Variants in SDK2 observed in about 807,000 individuals in gnomAD.
SDK2 encodes the protein protein sidekick-2.
In SDK2, 105 loss-of-function variants were observed where a neutral mutation model predicts 253.9. The observed-to-expected ratio is 0.41, with a 90% confidence interval of 0.35 to 0.49. SDK2 has a LOEUF of 0.49. Ranked by LOEUF, SDK2 falls within the 20% of genes least tolerant of loss-of-function variation. SDK2 has a pLI of 0.06. For synonymous variants in SDK2, 1,249 were observed against 1,234.9 expected (o/e 1.01, Z -0.24); for missense variants, 2,608 against 3,003.0 (o/e 0.87, Z 3.07).
At chr17:73,423,883 G>A (rs761226672) in intron 13 of SDK2, 33 bp downstream of exon 13, 6 of 1,509,720 alleles carry the variant, frequency 4.0e-6, no homozygotes, top group South Asian at 1.2e-5. Flanking sequence ...TGCCTGGACC[G>A]CCTCTGCCGG....
intron 10 of SDK2, among the ~76,000 whole-genome samples, chr17:73,432,428 C>G (rs2063332929): frequency 6.6e-6 from 1 of 152,174 alleles, no homozygotes; most frequent in African/African-American, 2.4e-5. Flanking sequence ...CGTGCAGGCA[C>G]AGTGAACTGA....
chr17:73,522,233 C>A (rs1163750732), intron 1 of SDK2, among the ~76,000 whole-genome samples: 3 of 152,226 alleles, frequency 2.0e-5, no homozygotes, highest in African/African-American at 7.2e-5. Flanking sequence ...CCAGGGTGGG[C>A]GGATGGGCTG....
At chr17:73,385,805 C>G in intron 32 of SDK2, 42 bp downstream of exon 32, 1 of 1,540,050 alleles carries the variant, frequency 6.5e-7, no homozygotes, top group Non-Finnish European at 8.8e-7. Context: ...GAGCAGAGCT[C>G]GTCTGGGTCT....
intron 1 of SDK2, among the ~76,000 whole-genome samples, chr17:73,572,381 A>T (rs1367447126): frequency 6.6e-6 from 1 of 151,802 alleles, no homozygotes; most frequent in Admixed American, 6.6e-5. Context: ...TGCACCACGC[A>T]CTGTTTTCTG....
At chr17:73,623,934 T>C (rs1156962471) in intron 1 of SDK2, among the ~76,000 whole-genome samples, 1 of 152,212 alleles carries the variant, frequency 6.6e-6, no homozygotes, top group Non-Finnish European at 1.5e-5. Context: ...CTCCTTCCTG[T>C]ATCAAAGACA....
intron 1 of SDK2, among the ~76,000 whole-genome samples, chr17:73,569,866 C>A (rs1234876300): frequency 6.6e-6 from 1 of 152,008 alleles, no homozygotes; most frequent in Non-Finnish European, 1.5e-5. Flanking sequence ...CTTGTCTTTT[C>A]CTGATCTCTA....
intron 1 of SDK2, among the ~76,000 whole-genome samples, chr17:73,601,616 C>T (rs1377198815): frequency 5.3e-5 from 8 of 152,140 alleles, no homozygotes; most frequent in African/African-American, 1.9e-4. Context: ...TCGGCTAAGG[C>T]ATGTGGAGAA....
chr17:73,401,476 G>C (rs931416410), intron 20 of SDK2, among the ~76,000 whole-genome samples, 178 bp downstream of exon 20: 3 of 152,308 alleles, frequency 2.0e-5, no homozygotes, highest in Middle Eastern at 3.4e-3. Context: ...TGGGGCTGCA[G>C]ACTCTGGGAT....
chr17:73,462,006 G>C (rs2063565814), intron 3 of SDK2, among the ~76,000 whole-genome samples: 1 of 151,988 alleles, frequency 6.6e-6, no homozygotes, highest in African/African-American at 2.4e-5. Context: ...TGGGATAATG[G>C]TTGCATGTAT....
intron 1 of SDK2, among the ~76,000 whole-genome samples, chr17:73,596,984 G>A (rs1025761012): frequency 7.9e-5 from 12 of 152,282 alleles, no homozygotes; most frequent in African/African-American, 2.6e-4. Flanking sequence ...TCGGGAGTCC[G>A]GCGCCCTAGG....
chr17:73,417,361 A>G (rs1159743046), intron 16 of SDK2, among the ~76,000 whole-genome samples: 4 of 151,444 alleles, frequency 2.6e-5, no homozygotes, highest in Middle Eastern at 3.4e-3. Flanking sequence ...AGCTGAGAGT[A>G]CGCCACTGCA....
rs1008115027 is a variant in SDK2 at position 73,496,696 on chromosome 17, C to T, written c.224+10742G>A. On this transcript the variant is annotated intron_variant, in intron 2 of 44. Coordinates refer to ENST00000392650, the MANE Select transcript of SDK2 (RefSeq NM_001144952.2). The surrounding 1 kb of genome is among the most constrained non-coding windows in gnomAD (Gnocchi z 4.7). ...GCCATCTTGGGTCAGCCATGTCTCC[C>T]ACTTCCTAGGGCAACTGGCTCAACC... is the stretch of plus-strand genomic sequence containing the variant. Among the ~76,000 whole-genome samples, 2 of 152,080 alleles carry T rather than the reference C, an allele frequency of 1.3e-5. No individual in the cohort carries two copies. Among genetic ancestry groups the T allele is most frequent in the Non-Finnish European group, 2.9e-5 (2 of 68,004 alleles).
At chr17:73,401,403 T>C (rs1423988727) in intron 20 of SDK2, among the ~76,000 whole-genome samples, 192 bp from the exon 21 acceptor site, 1 of 151,990 alleles carries the variant, frequency 6.6e-6, no homozygotes, top group Non-Finnish European at 1.5e-5. Context: ...GCCAGCACTT[T>C]AGGGAATTGC....
At chr17:73,351,268 C>G (rs2062535988) in intron 41 of SDK2, among the ~76,000 whole-genome samples, 1 of 152,110 alleles carries the variant, frequency 6.6e-6, no homozygotes, top group African/African-American at 2.4e-5. Flanking sequence ...TGCCACCACA[C>G]CCGGCTAATC....
intron 1 of SDK2, among the ~76,000 whole-genome samples, chr17:73,555,864 C>T (rs151051453): frequency 6.6e-6 from 1 of 152,272 alleles, no homozygotes; most frequent in South Asian, 2.1e-4. Context: ...GGAGGTTTGG[C>T]GGCTTGAAAC....
Position 73,618,611 on chromosome 17 carries a change from T to C in SDK2, c.64+25414A>G, listed in dbSNP as rs1449849324. ...AGGAAGGGTGTTTCCCTTTGGAATC[T>C]AGAGTCCACGTGGTGCCCAAGAACG... On this transcript the variant is annotated intron_variant, in intron 1 of 44. Coordinates refer to ENST00000392650, the MANE Select transcript of SDK2 (RefSeq NM_001144952.2). The surrounding 1 kb of genome is among the most constrained non-coding windows in gnomAD (Gnocchi z 4.1). Among the ~76,000 whole-genome samples, 3 of 152,152 alleles carry C rather than the reference T, an allele frequency of 2.0e-5. No homozygotes were observed. In the East Asian group the frequency reaches 5.8e-4, roughly 29 times the overall value.
intron 11 of SDK2, among the ~76,000 whole-genome samples, chr17:73,430,885 G>C (rs1437152591): frequency 6.6e-6 from 1 of 152,206 alleles, no homozygotes; most frequent in African/African-American, 2.4e-5. Context: ...AGGGCTTTCT[G>C]ATTTCCAGTC....
intron 3 of SDK2, among the ~76,000 whole-genome samples, chr17:73,461,982 G>A (rs2063565517): frequency 6.6e-6 from 1 of 152,000 alleles, no homozygotes; most frequent in Non-Finnish European, 1.5e-5. Context: ...ACATATGCAT[G>A]TATGCATGTG....
At chr17:73,553,368 C>T (rs1279967088) in intron 1 of SDK2, among the ~76,000 whole-genome samples, 2 of 152,110 alleles carry the variant, frequency 1.3e-5, no homozygotes, top group Non-Finnish European at 2.9e-5. Context: ...CATAGTGACC[C>T]TGGAAGGTGG....
Sources: allele counts gnomAD v4.1 joint callset (sites outside exome capture counted in the v4.1 genomes callset), GRCh38; gene constraint gnomAD v4.1.1; non-coding constraint Gnocchi (gnomAD v3.1); transcripts MANE v1.5; gene names NCBI Gene and HGNC (gene_info 2026-07-23, HGNC 2026-07-21).